The following PHF12 variants were observed in gnomAD, a reference collection of about 807,000 sequenced individuals.
PHF12 encodes the protein PHD factor 1.
Under a neutral mutation model 99.8 loss-of-function variants are expected in PHF12, and 6 were observed. That is an observed-to-expected ratio of 0.06 (90% CI 0.03 to 0.12). The LOEUF (loss-of-function observed/expected upper bound fraction) is 0.12, where lower values mean the gene tolerates loss of function less well. PHF12 is among the 10% of genes least tolerant of loss of function. The probability of loss-of-function intolerance (pLI) is 1.00; values close to 1 mark genes in which losing one functional copy is unlikely to be tolerated. For synonymous variants in PHF12, 480 were observed against 514.9 expected (o/e 0.93, Z 0.92); for missense variants, 954 against 1,300.1 (o/e 0.73, Z 4.09).
intron 2 of PHF12, among the ~76,000 whole-genome samples, chr17:28,946,895 T>G (rs2040731036): frequency 6.6e-6 from 1 of 152,090 alleles, no homozygotes; most frequent in Non-Finnish European, 1.5e-5. Context: ...CATGCCTACC[T>G]AAATAATTCA....
intron 2 of PHF12, among the ~76,000 whole-genome samples, chr17:28,938,537 G>A (rs1482632388): frequency 3.9e-5 from 6 of 152,114 alleles, no homozygotes; most frequent in Non-Finnish European, 7.4e-5. Context: ...CTGAGAGCAG[G>A]TTTCTACTTA....
In PHF12 at chr17:28,913,150, C is replaced by A; in HGVS notation, c.1421G>T (p.Ser474Ile). 1 of 1,614,092 alleles carries A rather than the reference C, an allele frequency of 6.2e-7. No homozygotes were observed. The highest frequency in any genetic ancestry group is 8.5e-7 in the Non-Finnish European group (1 of 1,179,954). The change falls in exon 9 of 15, where the codon AGC becomes ATC. Residue 474 changes from serine to isoleucine, a missense_variant. Physicochemically the swap from Ser to Ile is moderately radical, Grantham distance 142 (BLOSUM62 -2). Coordinates refer to ENST00000332830, the MANE Select transcript of PHF12 (RefSeq NM_001033561.2). ...TGTTTGCAGGGAGGTGGTGACTGAGCTGTCAGTCACAATAACAGGCTTAAT... is the reference window on the plus strand; with the variant it reads ...TGTTTGCAGGGAGGTGGTGACTGAGATGTCAGTCACAATAACAGGCTTAAT... ...ADIKPVIVTD[S>I]SVTTSLQTAD... is the part of the protein sequence containing the mutation.
intron 11 of PHF12, chr17:28,910,015 G>C: frequency 2.7e-6 from 2 of 734,632 alleles, no homozygotes; most frequent in Non-Finnish European, 4.8e-6. Context: ...GAAAGTTACA[G>C]CAGACTTCCC....
chr17:28,907,154 AC>A (rs2039885884), intron 13 of PHF12, 160 bp from the exon 14 acceptor site: 3 of 775,376 alleles, frequency 3.9e-6, no homozygotes, highest in Non-Finnish European at 6.0e-6. Context: ...GGCTGGAGAC[AC>A]CTCCTCAGGG....
chr17:28,923,346 A>G (rs973559294), intron 4 of PHF12, among the ~76,000 whole-genome samples: 1 of 32,672 alleles, frequency 3.1e-5, no homozygotes, highest in South Asian at 1.7e-3. Context: ...TGAATGTATA[A>G]TACTTTTTTT....
intron 2 of PHF12, among the ~76,000 whole-genome samples, chr17:28,940,337 G>A (rs1050454721): frequency 2.0e-5 from 3 of 152,226 alleles, no homozygotes; most frequent in South Asian, 2.1e-4. Flanking sequence ...GTAGTTTAGT[G>A]AGCATTTATG....
chr17:28,943,946 T>C (rs865894303), intron 2 of PHF12, among the ~76,000 whole-genome samples: 2 of 152,232 alleles, frequency 1.3e-5, no homozygotes, highest in Non-Finnish European at 2.9e-5. Flanking sequence ...AACACATTCA[T>C]AGTGACTAGT....
In PHF12 at chr17:28,908,894, CAT is replaced by C. The variant is rs1285339296; in HGVS notation, c.2360-15_2360-14del. On this transcript the variant is annotated splice_polypyrimidine_tract_variant and intron_variant, in intron 11 of 14. Transcript: ENST00000332830. ...TCCTTTCTTTGCACTACAAGACAAA[CAT>C]AGGAATAGGATCATTCAGAAACTCA... is the stretch of plus-strand genomic sequence containing the variant. 6 of 1,605,156 alleles carry C rather than the reference CAT, an allele frequency of 3.7e-6. No homozygotes were observed. Among genetic ancestry groups the C allele is most frequent in the Non-Finnish European group, 5.1e-6 (6 of 1,172,848 alleles).
chr17:28,928,024 T>C (rs548413389), intron 2 of PHF12, among the ~76,000 whole-genome samples: 44 of 152,294 alleles, frequency 2.9e-4, no homozygotes, highest in African/African-American at 9.9e-4. Flanking sequence ...GGCAGAAGAA[T>C]TGCTTGAATT....
intron 11 of PHF12, chr17:28,909,487 T>G (rs1474135885): frequency 6.5e-6 from 1 of 153,272 alleles, no homozygotes. Context: ...AGTTAACCAC[T>G]TGGGGAAAAT....
chr17:28,914,843 G>A (rs2040035393), intron 7 of PHF12, among the ~76,000 whole-genome samples: 1 of 152,150 alleles, frequency 6.6e-6, no homozygotes, highest in Non-Finnish European at 1.5e-5. Context: ...CACCATGTAA[G>A]AATGAAAGAG....
intron 2 of PHF12, among the ~76,000 whole-genome samples, chr17:28,931,862 G>A (rs1032880796): frequency 6.6e-6 from 1 of 152,112 alleles, no homozygotes; most frequent in Admixed American, 6.6e-5. Flanking sequence ...GATTACAGGT[G>A]TGAGCCACTG....
intron 6 of PHF12, 32 bp from the exon 7 acceptor site, chr17:28,917,481 A>G (rs762169898): frequency 1.3e-6 from 2 of 1,563,602 alleles, no homozygotes; most frequent in South Asian, 2.4e-5. Flanking sequence ...CCTTGTGGTG[A>G]GCCTCAAAAG....
At chr17:28,944,345 ACTTGC>A (rs1199675410) in intron 2 of PHF12, among the ~76,000 whole-genome samples, 6 of 152,368 alleles carry the variant, frequency 3.9e-5, no homozygotes, top group African/African-American at 1.4e-4. Context: ...ACTACTAAGT[ACTTGC>A]CTTACTTTAC....
At position 28,913,217 on chromosome 17, in the gene PHF12, T is replaced by G; in HGVS notation, c.1354A>C (p.Met452Leu). The G allele has an allele frequency of 6.2e-7, 1 of 1,614,122 alleles. No homozygotes were observed. The highest frequency in any genetic ancestry group is 8.5e-7 in the Non-Finnish European group (1 of 1,180,012). The change falls in exon 9 of 15, where the codon ATG (methionine) becomes CTG (leucine). Residue 452 changes from methionine to leucine, a missense_variant. Met to Leu is a conservative substitution (Grantham distance 15). This residue lies in a region of PHF12 where 392 missense variants were observed against 423.1 expected (regional missense o/e 0.93). Transcript: ENST00000332830. ...TGTTCAGAGTCCCAATGCGAAGGCA[T>G]CTGCTTAGCAGATAAATGTTTCAAT... ...SILKHLSAKQ[M>L]PSHWDSEQTE...
intron 8 of PHF12, 31 bp downstream of exon 8, chr17:28,913,848 G>T: frequency 1.3e-6 from 2 of 1,579,094 alleles, no homozygotes; most frequent in East Asian, 4.5e-5. Flanking sequence ...AGGAAGGTTG[G>T]ATTTGGAATC....
At chr17:28,910,019 A>G in intron 11 of PHF12, 1 of 745,742 alleles carries the variant, frequency 1.3e-6, no homozygotes, top group Non-Finnish European at 2.3e-6. Flanking sequence ...GTTACAGCAG[A>G]CTTCCCCAAG....
intron 4 of PHF12, 149 bp downstream of exon 4, chr17:28,923,758 TAA>T: frequency 1.1e-6 from 1 of 941,082 alleles, no homozygotes; most frequent in Non-Finnish European, 1.5e-6. Context: ...CTGTAATGGC[TAA>T]GACCTTCAAA....
intron 7 of PHF12, 58 bp downstream of exon 7, chr17:28,917,227 T>C (rs2040077472): frequency 6.2e-7 from 1 of 1,609,732 alleles, no homozygotes; most frequent in Non-Finnish European, 8.5e-7. Context: ...AGTGATCCTC[T>C]GTCTAACCCA....
Sources: gnomAD v4.1 joint callset for allele counts (sites outside exome capture counted in the v4.1 genomes callset) on GRCh38, gnomAD v4.1.1 for gene constraint, gnomAD v4.1.1 regional missense constraint, MANE v1.5 for transcripts, NCBI Gene and HGNC (gene_info 2026-07-23, HGNC 2026-07-21) for gene names.